THEMIS: variants seen among roughly 807,000 people sequenced by gnomAD.
The protein encoded by THEMIS is protein THEMIS.
THEMIS carries 37 observed loss-of-function variants against 52.6 expected under a neutral mutation model. The observed-to-expected ratio is 0.70, with a 90% CI of 0.54 to 0.93. THEMIS has a LOEUF of 0.93. THEMIS is among the 40% of genes least tolerant of loss of function. The probability of loss-of-function intolerance (pLI) is 0.00; values close to 1 mark genes in which losing one functional copy is unlikely to be tolerated. For missense variants in THEMIS, 808 were observed against 763.1 expected (o/e 1.06, Z -0.69); for synonymous variants, 292 against 272.7 (o/e 1.07, Z -0.70).
intron 1 of THEMIS, among the ~76,000 whole-genome samples, chr6:127,859,734 T>C (rs1346298121): frequency 6.6e-6 from 1 of 152,108 alleles, no homozygotes; most frequent in Non-Finnish European, 1.5e-5. Context: ...ATGAGGGTAG[T>C]GGTTCTATAA....
chr6:127,770,268 A>G (rs112375845), intron 4 of THEMIS, among the ~76,000 whole-genome samples: 1,988 of 152,270 alleles, frequency 0.013, 38 homozygotes, highest in African/African-American at 0.045. Flanking sequence ...ATTTCTCCAC[A>G]TCGTCTCCAG....
chr6:127,846,731 C>T (rs141498005), intron 2 of THEMIS, among the ~76,000 whole-genome samples: 73 of 151,910 alleles, frequency 4.8e-4, no homozygotes, highest in African/African-American at 1.7e-3. Flanking sequence ...TACAACCAAT[C>T]CTACTGAAAC....
At chr6:127,904,544 A>C (rs551086404), upstream of THEMIS, among the ~76,000 whole-genome samples, 161 of 152,214 alleles carry the variant, frequency 1.1e-3, no homozygotes, top group African/African-American at 3.6e-3. Flanking sequence ...AGATAGAAGC[A>C]AATGTAAATC....
At chr6:127,896,576 A>G (rs1780974245) in intron 1 of THEMIS, among the ~76,000 whole-genome samples, 1 of 151,584 alleles carries the variant, frequency 6.6e-6, no homozygotes, top group Non-Finnish European at 1.5e-5. Context: ...AAGCACAGCT[A>G]ATCAAAATTC....
At chr6:127,777,197 T>G (rs758624923) in intron 4 of THEMIS, among the ~76,000 whole-genome samples, 26 of 151,828 alleles carry the variant, frequency 1.7e-4, no homozygotes, top group Non-Finnish European at 2.9e-4. Context: ...GGTTTTTTTT[T>G]TTTCTGTTTG....
chr6:127,830,696 AT>A (rs1778672461), intron 2 of THEMIS, among the ~76,000 whole-genome samples: 2 of 151,852 alleles, frequency 1.3e-5, no homozygotes, highest in African/African-American at 4.8e-5. Flanking sequence ...TCAAAAAAAA[AT>A]AAAAAATAAA....
chr6:127,848,155 T>C (rs1292407178), intron 2 of THEMIS, among the ~76,000 whole-genome samples: 1 of 144,576 alleles, frequency 6.9e-6, no homozygotes, highest in East Asian at 2.2e-4. Context: ...TTCCCACCTA[T>C]GAATGAGAAC....
chr6:127,719,568 G>A (rs1414820187), intron 5 of THEMIS, 120 bp downstream of exon 5: 4 of 819,614 alleles, frequency 4.9e-6, no homozygotes, highest in African/African-American at 1.8e-5. Flanking sequence ...AGAGCAGGGT[G>A]ATCACTTGGG....
At chr6:127,913,481 A>G (rs1781456226) in intron 1 of THEMIS, among the ~76,000 whole-genome samples, 1 of 152,180 alleles carries the variant, frequency 6.6e-6, no homozygotes, top group African/African-American at 2.4e-5. Flanking sequence ...TTCAAAAAAA[A>G]CAAATGAATG....
chr6:127,879,835 A>G (rs1780425270), intron 1 of THEMIS, among the ~76,000 whole-genome samples: 2 of 151,660 alleles, frequency 1.3e-5, no homozygotes, highest in Admixed American at 6.6e-5. Flanking sequence ...ACTATTTACA[A>G]CCCGGCTGCC....
At chr6:127,915,874 CT>C (rs1434405811) in intron 1 of THEMIS, among the ~76,000 whole-genome samples, 2 of 152,122 alleles carry the variant, frequency 1.3e-5, no homozygotes, top group Non-Finnish European at 2.9e-5. Flanking sequence ...GTAATCCCAG[CT>C]ACTCGGGAGG....
At chr6:127,792,788 G>A (rs1777201819) in intron 4 of THEMIS, among the ~76,000 whole-genome samples, 1 of 152,284 alleles carries the variant, frequency 6.6e-6, no homozygotes, top group Admixed American at 6.5e-5. Flanking sequence ...CTTCAATCAG[G>A]CTGAGATGTG....
chr6:127,820,228 A>G (rs1283840472), intron 3 of THEMIS, among the ~76,000 whole-genome samples: 4 of 152,136 alleles, frequency 2.6e-5, no homozygotes, highest in Admixed American at 2.0e-4. Flanking sequence ...GTAGGCAGAA[A>G]AAGAAGGGGA....
At chr6:127,796,723 A>G (rs1777341136) in intron 4 of THEMIS, among the ~76,000 whole-genome samples, 1 of 152,230 alleles carries the variant, frequency 6.6e-6, no homozygotes, top group South Asian at 2.1e-4. Context: ...ATGTATAGAC[A>G]CGCACACATA....
intron 1 of THEMIS, among the ~76,000 whole-genome samples, chr6:127,861,783 C>CAAAAAAAAAAAAA (rs1225783673): frequency 4.2e-5 from 4 of 95,700 alleles, no homozygotes; most frequent in East Asian, 2.5e-4. Context: ...GACTCCATCT[C>CAAAAAAAAAAAAA]AAAAAAAAAA....
chr6:127,733,394 G>A (rs1188365012), intron 4 of THEMIS, among the ~76,000 whole-genome samples: 1 of 152,074 alleles, frequency 6.6e-6, no homozygotes, highest in African/African-American at 2.4e-5. Flanking sequence ...GTGAGATTTG[G>A]TTTTGTTTAA....
chr6:127,766,316 A>T (rs1459899087), intron 4 of THEMIS, among the ~76,000 whole-genome samples: 1 of 152,210 alleles, frequency 6.6e-6, no homozygotes, highest in African/African-American at 2.4e-5. Flanking sequence ...TTGATGTTGT[A>T]ACCAACAGTT....
chr6:127,916,177 T>G (rs946748497), intron 1 of THEMIS, among the ~76,000 whole-genome samples: 3 of 151,666 alleles, frequency 2.0e-5, no homozygotes, highest in African/African-American at 7.3e-5. Context: ...GTTTAATTTT[T>G]TTATATTATA....
chr6:127,911,376 T>C (rs1187360688), intron 1 of THEMIS, among the ~76,000 whole-genome samples: 6 of 150,994 alleles, frequency 4.0e-5, no homozygotes. Flanking sequence ...ATTTATTTAA[T>C]CATGAGTTTA....
Sources: allele counts gnomAD v4.1 joint callset (sites outside exome capture counted in the v4.1 genomes callset), GRCh38; gene constraint gnomAD v4.1.1; transcripts MANE v1.5; gene names NCBI Gene and HGNC (gene_info 2026-07-23, HGNC 2026-07-21).